The following CYP4F8 variants were observed in gnomAD, a reference collection of about 807,000 sequenced individuals.
CYP4F8 encodes cytochrome P450 4F8.
CYP4F8 carries 56 observed loss-of-function variants against 55.0 expected under a neutral mutation model. That is an observed-to-expected ratio of 1.02 (90% CI 0.82 to 1.27). CYP4F8 has a LOEUF of 1.27. Ranked by LOEUF, CYP4F8 falls within the 50% of genes most tolerant of loss-of-function variation. The probability of loss-of-function intolerance (pLI) is 0.00; values close to 1 mark genes in which losing one functional copy is unlikely to be tolerated. For synonymous variants in CYP4F8, 288 were observed against 267.3 expected, an observed-to-expected ratio of 1.08 and a Z score of -0.76; for missense variants, 680 against 682.4, an observed-to-expected ratio of 1.00 and a Z score of 0.04.
intron 9 of CYP4F8, among the ~76,000 whole-genome samples, chr19:15,626,737 C>T (rs557565549): frequency 1.3e-5 from 2 of 152,106 alleles, no homozygotes; most frequent in East Asian, 1.9e-4. Flanking sequence ...AATTTGCATG[C>T]GTATTTATCC....
rs1972152442 is a variant in CYP4F8 at position 15,618,455 on chromosome 19, T to C, written c.343+311T>C. ...GAGCAGTACAGAGACATCCCCAACT[T>C]CATGGGGTTCAGAATGGGCCAGGAG... On this transcript the variant is annotated intron_variant, in intron 3 of 12. Coordinates refer to ENST00000612078, the MANE Select transcript of CYP4F8 (RefSeq NM_007253.4). The C allele has an allele frequency of 2.0e-4, 90 of 446,558 alleles. 1 individual carries two copies. Among genetic ancestry groups the C allele is most frequent in the South Asian group, 1.8e-3 (90 of 50,876 alleles). The allele number at this position is 446,558 out of a possible 1,614,324, so 27.7% of individuals were successfully genotyped here.
At chr19:15,618,205 A>C in intron 3 of CYP4F8, 61 bp downstream of exon 3, 143 of 1,606,526 alleles carry the variant, frequency 8.9e-5, no homozygotes, top group Non-Finnish European at 1.1e-4. Context: ...TCTAGATCTC[A>C]TCCCCAAAGC....
intron 5 of CYP4F8, among the ~76,000 whole-genome samples, chr19:15,620,181 T>C (rs1972175891): frequency 6.6e-6 from 1 of 152,190 alleles, no homozygotes; most frequent in South Asian, 2.1e-4. Context: ...TAAGAGCAGC[T>C]GTGGGTCAGG....
Position 15,622,228 on chromosome 19 carries a change from C to A in CYP4F8, c.535C>A (p.Gln179Lys). The A allele has an allele frequency of 6.2e-7, 1 of 1,613,402 alleles. No individual in the cohort carries two copies. Among genetic ancestry groups the A allele is most frequent in the Non-Finnish European group, 8.5e-7 (1 of 1,179,644 alleles). ...TCCCTTCTCTGGCCAGGCCAAGTGG[C>A]AACGCCTGGCCATGGAGGGCAGCAC... ...KSANIMHAKW[Q>K]RLAMEGSTCL... The change falls in exon 6 of 13, where the codon CAA (glutamine) becomes AAA (lysine). Residue 179 changes from glutamine to lysine, a missense_variant. Physicochemically the swap from Gln to Lys is moderately conservative, Grantham distance 53. Transcript: ENST00000612078.
chr19:15,619,361 A>G (rs952947799), intron 3 of CYP4F8, 129 bp from the exon 4 acceptor site: 16 of 1,080,896 alleles, frequency 1.5e-5, no homozygotes, highest in Non-Finnish European at 2.1e-5. Context: ...TCTTCTGCCC[A>G]TGGCCTCCTT....
Position 15,623,711 on chromosome 19 carries a change from A to G in CYP4F8, c.931A>G (p.Lys311Glu), listed in dbSNP as rs1250629357. The G allele has an allele frequency of 1.2e-6, 2 of 1,614,134 alleles. No homozygotes were observed. Among genetic ancestry groups the G allele is most frequent in the Non-Finnish European group, 8.5e-7 (1 of 1,180,000 alleles). The change falls in exon 8 of 13, where the codon AAA (lysine) becomes GAA (glutamate). Residue 311 changes from lysine (K) to glutamate (E), a missense_variant. Transcript: ENST00000612078. Reference sequence around the variant, plus strand: ...TTCTTGTCTCCAGGATAAAAATGGTAAAGAGTTGTCAGATGAGGACATAAG... The same window carrying G: ...TTCTTGTCTCCAGGATAAAAATGGTGAAGAGTTGTCAGATGAGGACATAAG... ...VLLLSEDKNG[K>E]ELSDEDIRAE...
At chr19:15,622,425 G>C in intron 6 of CYP4F8, 85 bp downstream of exon 6, 1 of 1,570,280 alleles carries the variant, frequency 6.4e-7, no homozygotes, top group Non-Finnish European at 8.7e-7. Context: ...GACAAGAAGA[G>C]CCTTCCTGGA....
At position 15,629,207 on chromosome 19, in the gene CYP4F8, A is replaced by T. The variant is rs370365464; in HGVS notation, c.1412A>T (p.Gln471Leu). 2 of 1,610,186 alleles carry T rather than the reference A, an allele frequency of 1.2e-6. No homozygotes were observed. The highest frequency in any genetic ancestry group is 1.7e-6 in the Non-Finnish European group (2 of 1,178,358). The change falls in exon 13 of 13, where the codon CAG (glutamine) becomes CTG (leucine). Residue 471 changes from glutamine to leucine, a missense_variant. Coordinates refer to ENST00000612078, the MANE Select transcript of CYP4F8 (RefSeq NM_007253.4). ...TTGGCCCCCAGGAACTGCATCGGGC[A>T]GAAGTTCGCGATGGCAGAGATGAAG... The part of the protein sequence containing the change: ...FSAGPRNCIG[Q>L]KFAMAEMKVV...
intron 10 of CYP4F8, 47 bp downstream of exon 10, chr19:15,628,482 C>G (rs1435920837): frequency 3.1e-6 from 5 of 1,613,342 alleles, no homozygotes; most frequent in South Asian, 1.1e-5. Context: ...GGCGGTGGTC[C>G]CAGCAGGCAG....
intron 2 of CYP4F8, 119 bp downstream of exon 2, chr19:15,615,933 T>G: frequency 9.0e-7 from 1 of 1,105,374 alleles, no homozygotes; most frequent in Non-Finnish European, 1.2e-6. Context: ...CTCTGATCAC[T>G]CACTCATTCC....
intron 5 of CYP4F8, 47 bp from the exon 6 acceptor site, chr19:15,622,172 C>G: frequency 6.3e-7 from 1 of 1,581,380 alleles, no homozygotes; most frequent in South Asian, 1.1e-5. Context: ...CAGGGGGACT[C>G]AGAGGAGCCA....
At chr19:15,628,888 A>T in intron 12 of CYP4F8, 45 bp downstream of exon 12, 1 of 1,532,360 alleles carries the variant, frequency 6.5e-7, no homozygotes, top group Non-Finnish European at 8.8e-7. Context: ...TGAGGGTGGC[A>T]CAGATGGCTG....
chr19:15,629,101 G>T, intron 12 of CYP4F8, 92 bp from the exon 13 acceptor site: 8 of 1,472,486 alleles, frequency 5.4e-6, no homozygotes, highest in Non-Finnish European at 7.2e-6. Context: ...AGGTGATCTG[G>T]GTGGGGTTGG....
intron 9 of CYP4F8, among the ~76,000 whole-genome samples, chr19:15,626,311 T>G (rs1972261063): frequency 6.6e-6 from 1 of 152,206 alleles, no homozygotes; most frequent in Non-Finnish European, 1.5e-5. Context: ...TATTGGCAGC[T>G]TCTGTGCACC....
chr19:15,629,290 C>A lies in CYP4F8; in HGVS notation c.1495C>A (p.Arg499Ser), dbSNP rs926851441. 4 of 1,613,086 alleles carry A rather than the reference C, an allele frequency of 2.5e-6. No individual in the cohort carries two copies. Among genetic ancestry groups the A allele is most frequent in the Admixed American group, 1.7e-5 (1 of 59,874 alleles). ...CATCCTGCCCGACCACAGGGAGCCA[C>A]GCAGGACGCCGGAGATTGTTTTGCG... Reference protein sequence around the residue: ...FRILPDHREPRRTPEIVLRAE... With the variant: ...FRILPDHREPSRTPEIVLRAE... The change falls in exon 13 of 13, where the codon CGC becomes AGC. Residue 499 changes from arginine (R) to serine (S), a missense_variant. Transcript: ENST00000612078.
At chr19:15,625,594 G>T (rs1480810683) in intron 9 of CYP4F8, among the ~76,000 whole-genome samples, 2 of 151,656 alleles carry the variant, frequency 1.3e-5, no homozygotes, top group African/African-American at 4.8e-5. Context: ...TTTAATATTT[G>T]GTAGAGTTTG....
chr19:15,626,409 G>A (rs895457227), intron 9 of CYP4F8, among the ~76,000 whole-genome samples: 1 of 152,200 alleles, frequency 6.6e-6, no homozygotes, highest in African/African-American at 2.4e-5. Flanking sequence ...TCGAATAGAT[G>A]TGAAGTGGTA....
chr19:15,616,315 C>T (rs1317804404), intron 2 of CYP4F8, among the ~76,000 whole-genome samples: 1 of 149,626 alleles, frequency 6.7e-6, no homozygotes, highest in Non-Finnish European at 1.5e-5. Flanking sequence ...CCTCTCCTTG[C>T]TCACTCATTC....
chr19:15,622,981 G>A, intron 6 of CYP4F8, 124 bp from the exon 7 acceptor site: 2 of 1,188,880 alleles, frequency 1.7e-6, no homozygotes, highest in Middle Eastern at 2.8e-4. Context: ...GAGGCAGAGA[G>A]TGAAGTGCGC....
Sources: gnomAD v4.1 joint callset for allele counts (sites outside exome capture counted in the v4.1 genomes callset) on GRCh38, gnomAD v4.1.1 for gene constraint, MANE v1.5 for transcripts, NCBI Gene and HGNC (gene_info 2026-07-23, HGNC 2026-07-21) for gene names.